CACNA1C: variants seen among roughly 807,000 people sequenced by gnomAD.
CACNA1C encodes the protein voltage-dependent L-type calcium channel subunit alpha-1C.
Under a neutral mutation model 229.0 loss-of-function variants are expected in CACNA1C, and 30 were observed. That is an observed-to-expected ratio of 0.13 (90% confidence interval 0.10 to 0.18). The LOEUF is 0.18. CACNA1C is among the 10% of genes least tolerant of loss of function. The pLI, the probability that CACNA1C is intolerant of heterozygous loss-of-function variation, is 1.00. For synonymous variants in CACNA1C, 1,114 were observed against 1,132.5 expected (o/e 0.98, Z 0.33); for missense variants, 1,658 against 2,845.0 (o/e 0.58, Z 9.49).
Position 2,548,417 on chromosome 12 carries a change from C to T in CACNA1C, c.1391-1526C>T, listed in dbSNP as rs80223778. ...GATGAACATGCTACAGGAGGTGTGA[C>T]ACTTGTGCCCTGGACCCAGCCCTAC... On this transcript the variant is annotated intron_variant, in intron 9 of 46. Transcript: ENST00000399655. 5.1e-3 allele frequency among the ~76,000 whole-genome samples: 773 copies of T among 152,254 alleles called. 4 individuals are homozygous for T. The highest frequency in any genetic ancestry group is 0.015 in the Admixed American group (225 of 15,296).
intron 13 of CACNA1C, among the ~76,000 whole-genome samples, chr12:2,579,696 TCA>T (rs1336530196): frequency 6.6e-6 from 1 of 152,166 alleles, no homozygotes; most frequent in African/African-American, 2.4e-5. Context: ...TCCTTCCATC[TCA>T]GTCTCCCCAG....
intron 3 of CACNA1C, among the ~76,000 whole-genome samples, chr12:2,279,447 A>G (rs1043454306): frequency 2.6e-5 from 4 of 152,236 alleles, no homozygotes; most frequent in Non-Finnish European, 5.9e-5. Context: ...CAGTTTGCCT[A>G]TTTCTACAAA....
chr12:2,106,985 C>G (rs1383479039), intron 1 of CACNA1C, among the ~76,000 whole-genome samples: 1 of 105,510 alleles, frequency 9.5e-6, no homozygotes, highest in Non-Finnish European at 2.1e-5. Context: ...GTTTCCACCT[C>G]AGCTGGGGTG....
chr12:2,308,567 A>C (rs1427700893), intron 3 of CACNA1C, among the ~76,000 whole-genome samples: 3 of 152,204 alleles, frequency 2.0e-5, no homozygotes, highest in Non-Finnish European at 4.4e-5. Context: ...CCAGTACCAT[A>C]CCATTTTGAT....
intron 15 of CACNA1C, among the ~76,000 whole-genome samples, chr12:2,583,935 C>T (rs990184739): frequency 6.6e-6 from 1 of 152,202 alleles, no homozygotes; most frequent in African/African-American, 2.4e-5. Context: ...GTTGATTCTG[C>T]AGTTCTCTGA....
At chr12:2,461,245 C>T (rs759711589) in intron 5 of CACNA1C, among the ~76,000 whole-genome samples, 1 of 152,220 alleles carries the variant, frequency 6.6e-6, no homozygotes, top group Non-Finnish European at 1.5e-5. Context: ...GTTACATGAT[C>T]TGTTGGCAGC....
intron 1 of CACNA1C, among the ~76,000 whole-genome samples, chr12:2,112,842 A>G (rs533422226): frequency 3.7e-4 from 56 of 152,318 alleles, no homozygotes; most frequent in African/African-American, 1.2e-3. Context: ...ATGTCAATCA[A>G]TTGGCATAAA....
At chr12:2,341,757 T>C (rs938971766) in intron 3 of CACNA1C, among the ~76,000 whole-genome samples, 1 of 152,244 alleles carries the variant, frequency 6.6e-6, no homozygotes. Flanking sequence ...TGACGGACCC[T>C]CATTCAGGGG....
At chr12:2,043,385 G>A (rs146253276) in intron 1 of CACNA1C, among the ~76,000 whole-genome samples, 43 of 152,294 alleles carry the variant, frequency 2.8e-4, no homozygotes, top group African/African-American at 9.9e-4. Context: ...GAGAGGTTCT[G>A]GTTCACAAAG....
intron 1 of CACNA1C, among the ~76,000 whole-genome samples, chr12:2,059,373 T>C (rs1202757263): frequency 2.0e-5 from 3 of 151,474 alleles, no homozygotes; most frequent in African/African-American, 4.9e-5. Context: ...GGAGAGAAGT[T>C]TGGGCCTGGA....
intron 29 of CACNA1C, chr12:2,612,368 C>A: frequency 5.5e-6 from 1 of 183,076 alleles, no homozygotes; most frequent in South Asian, 1.5e-4. Flanking sequence ...TGCTCATAGA[C>A]TGGCAGACCA....
chr12:2,149,410 A>G (rs373884863), intron 3 of CACNA1C, among the ~76,000 whole-genome samples: 12 of 152,186 alleles, frequency 7.9e-5, no homozygotes, highest in East Asian at 5.8e-4. Flanking sequence ...CCCAAGACCC[A>G]TTTAATATTT....
At chr12:2,645,235 T>C (rs1249575570) in intron 30 of CACNA1C, among the ~76,000 whole-genome samples, 1 of 152,136 alleles carries the variant, frequency 6.6e-6, no homozygotes, top group Non-Finnish European at 1.5e-5. Flanking sequence ...GAATGCAGTC[T>C]CCAGGCTTGG....
intron 3 of CACNA1C, among the ~76,000 whole-genome samples, chr12:2,170,777 C>T (rs1435018992): frequency 6.6e-6 from 1 of 152,228 alleles, no homozygotes; most frequent in Non-Finnish European, 1.5e-5. Context: ...GTTGAGGACA[C>T]GTTACCTCAG....
chr12:2,313,540 A>G (rs1285087853), intron 3 of CACNA1C, among the ~76,000 whole-genome samples: 3 of 152,224 alleles, frequency 2.0e-5, no homozygotes, highest in African/African-American at 4.8e-5. Context: ...GAGCATTCCT[A>G]TAATCAGTGA....
intron 30 of CACNA1C, among the ~76,000 whole-genome samples, chr12:2,638,117 G>T (rs984331004): frequency 6.6e-6 from 1 of 152,186 alleles, no homozygotes; most frequent in African/African-American, 2.4e-5. Context: ...CATTGTAGAA[G>T]GGAATAATCA....
chr12:2,004,600 C>G, intron 1 of CACNA1C: 1 of 978,310 alleles, frequency 1.0e-6, no homozygotes, highest in Non-Finnish European at 1.5e-6. Context: ...CGCAAGGCCT[C>G]ACTAATCGAT....
chr12:2,186,404 G>A (rs1385032489), intron 3 of CACNA1C, among the ~76,000 whole-genome samples: 5 of 152,160 alleles, frequency 3.3e-5, no homozygotes, highest in South Asian at 2.1e-4. Flanking sequence ...GTCCTGAAGC[G>A]GCTGCGGGCC....
intron 3 of CACNA1C, among the ~76,000 whole-genome samples, chr12:2,360,381 A>G (rs935256458): frequency 3.3e-5 from 5 of 152,124 alleles, no homozygotes; most frequent in Non-Finnish European, 5.9e-5. Context: ...TCCGTCCAGC[A>G]TCCCTGCTGG....
Sources: gnomAD v4.1 joint callset for allele counts (sites outside exome capture counted in the v4.1 genomes callset) on GRCh38, gnomAD v4.1.1 for gene constraint, MANE v1.5 for transcripts, NCBI Gene and HGNC (gene_info 2026-07-23, HGNC 2026-07-21) for gene names.